The following IGF1R variants were observed in gnomAD, a reference collection of about 807,000 sequenced individuals.
IGF1R encodes the protein insulin-like growth factor 1 receptor.
In IGF1R, 44 loss-of-function variants were observed where a neutral mutation model predicts 144.6. The ratio of observed to expected loss-of-function variants is 0.30; its 90% CI spans 0.24 to 0.39. The LOEUF is 0.39. Ranked by LOEUF, IGF1R falls within the 10% of genes least tolerant of loss-of-function variation. IGF1R has a pLI of 1.00. For missense variants in IGF1R, 1,355 were observed against 1,833.7 expected (o/e 0.74, Z 4.77); for synonymous variants, 795 against 722.8 (o/e 1.10, Z -1.60).
At chr15:98,956,268 G>T (rs765680376) in intron 20 of IGF1R, among the ~76,000 whole-genome samples, 1 of 152,234 alleles carries the variant, frequency 6.6e-6, no homozygotes, top group Non-Finnish European at 1.5e-5. Flanking sequence ...CGATGCGACC[G>T]ACACACAGCA....
At chr15:98,912,656 G>A (rs1400402077) in intron 7 of IGF1R, among the ~76,000 whole-genome samples, 1 of 152,182 alleles carries the variant, frequency 6.6e-6, no homozygotes, top group African/African-American at 2.4e-5. Flanking sequence ...TTTGTCTGTA[G>A]GAAAGTCATT....
chr15:98,860,928 C>T (rs1436856314), intron 2 of IGF1R, among the ~76,000 whole-genome samples: 1 of 152,124 alleles, frequency 6.6e-6, no homozygotes, highest in Non-Finnish European at 1.5e-5. Context: ...GCTTGACTAC[C>T]CCAGAAATGT....
At chr15:98,896,054 A>G (rs1235805043) in intron 3 of IGF1R, among the ~76,000 whole-genome samples, 1 of 152,144 alleles carries the variant, frequency 6.6e-6, no homozygotes, top group East Asian at 1.9e-4. Context: ...GGTTCGTGGC[A>G]TGTTCAGGAT....
intron 3 of IGF1R, among the ~76,000 whole-genome samples, chr15:98,894,878 G>A (rs980046255): frequency 1.2e-4 from 19 of 152,074 alleles, no homozygotes; most frequent in Admixed American, 9.2e-4. Flanking sequence ...AAAATTAGCC[G>A]GGCCTGGTGA....
chr15:98,808,065 C>T (rs1243142750), intron 2 of IGF1R, among the ~76,000 whole-genome samples: 1 of 152,082 alleles, frequency 6.6e-6, no homozygotes, highest in Non-Finnish European at 1.5e-5. Flanking sequence ...GATACCACAT[C>T]CATGTTGTTT....
At chr15:98,930,530 A>G (rs2015899375) in intron 15 of IGF1R, among the ~76,000 whole-genome samples, 1 of 152,198 alleles carries the variant, frequency 6.6e-6, no homozygotes, top group Non-Finnish European at 1.5e-5. Context: ...GGGGTGCCCC[A>G]AGGAAACACA....
intron 6 of IGF1R, among the ~76,000 whole-genome samples, chr15:98,909,279 T>TTTTC (rs2014893039): frequency 7.0e-6 from 1 of 143,266 alleles, no homozygotes; most frequent in African/African-American, 2.7e-5. Flanking sequence ...TTTTTTTTTT[T>TTTTC]GAGATGGAGT....
intron 1 of IGF1R, among the ~76,000 whole-genome samples, chr15:98,656,833 G>A (rs1221238810): frequency 1.3e-5 from 2 of 152,194 alleles, no homozygotes. Context: ...CTGCGAGTTT[G>A]AAATACATTG....
intron 1 of IGF1R, among the ~76,000 whole-genome samples, chr15:98,679,482 A>C (rs1483224318): frequency 6.6e-6 from 1 of 152,190 alleles, no homozygotes; most frequent in Non-Finnish European, 1.5e-5. Flanking sequence ...TGAGATTATA[A>C]TGGGGCTGAA....
intron 2 of IGF1R, among the ~76,000 whole-genome samples, chr15:98,869,985 A>G (rs1433406077): frequency 6.6e-6 from 1 of 151,412 alleles, no homozygotes; most frequent in Non-Finnish European, 1.5e-5. Context: ...GTATATACTG[A>G]GCATGGCCCT....
At chr15:98,947,746 G>C (rs999531626) in intron 19 of IGF1R, among the ~76,000 whole-genome samples, 1 of 152,174 alleles carries the variant, frequency 6.6e-6, no homozygotes, top group African/African-American at 2.4e-5. Context: ...TTATTCCTCA[G>C]CCAACTTCTC....
At chr15:98,788,062 C>CTGTGTGTG (rs59500414) in intron 2 of IGF1R, among the ~76,000 whole-genome samples, 10 of 131,100 alleles carry the variant, frequency 7.6e-5, no homozygotes, top group African/African-American at 2.7e-4. Flanking sequence ...CTCTCTCTCT[C>CTGTGTGTG]TGTGTGTGTG....
intron 19 of IGF1R, among the ~76,000 whole-genome samples, chr15:98,943,533 G>A (rs145425802): frequency 6.8e-4 from 104 of 152,312 alleles, no homozygotes; most frequent in African/African-American, 2.4e-3. Flanking sequence ...CTTTCAGTGG[G>A]CATCCACCGT....
intron 2 of IGF1R, among the ~76,000 whole-genome samples, chr15:98,780,911 A>T (rs1471406843): frequency 6.6e-6 from 1 of 152,202 alleles, no homozygotes; most frequent in African/African-American, 2.4e-5. Context: ...GTAGAAAAGA[A>T]GATTTACCAG....
intron 17 of IGF1R, among the ~76,000 whole-genome samples, chr15:98,937,476 C>G (rs945230201): frequency 3.9e-5 from 6 of 152,182 alleles, no homozygotes; most frequent in African/African-American, 1.4e-4. Context: ...ACTGAAGTCC[C>G]TTTCAGAACT....
chr15:98,808,483 C>T (rs2056513318), intron 2 of IGF1R, among the ~76,000 whole-genome samples: 1 of 152,104 alleles, frequency 6.6e-6, no homozygotes, highest in African/African-American at 2.4e-5. Flanking sequence ...CCTGTGTCAC[C>T]AGTGGCATAT....
At chr15:98,864,419 G>A (rs560215690) in intron 2 of IGF1R, among the ~76,000 whole-genome samples, 80 of 152,360 alleles carry the variant, frequency 5.3e-4, no homozygotes, top group Admixed American at 9.1e-4. Flanking sequence ...ATCTTGGCCT[G>A]TCACCCAGGC....
At chr15:98,749,158 T>C (rs1042892940) in intron 2 of IGF1R, among the ~76,000 whole-genome samples, 4 of 88,818 alleles carry the variant, frequency 4.5e-5, no homozygotes, top group African/African-American at 1.6e-4. Flanking sequence ...CAGTAGAATT[T>C]AATAAATCCT....
intron 20 of IGF1R, among the ~76,000 whole-genome samples, chr15:98,950,829 T>C (rs2016743966): frequency 6.6e-6 from 1 of 152,180 alleles, no homozygotes; most frequent in Non-Finnish European, 1.5e-5. Context: ...GCAACGATCT[T>C]GGGGGGCATC....
Sources: allele counts gnomAD v4.1 joint callset (sites outside exome capture counted in the v4.1 genomes callset), GRCh38; gene constraint gnomAD v4.1.1; transcripts MANE v1.5; gene names NCBI Gene and HGNC (gene_info 2026-07-23, HGNC 2026-07-21).